ZC3H12C: variants seen among roughly 807,000 people sequenced by gnomAD.
ZC3H12C encodes the protein zinc finger CCCH-type containing 12C, also known as probable ribonuclease ZC3H12C.
Under a neutral mutation model 76.3 loss-of-function variants are expected in ZC3H12C, and 20 were observed. The ratio of observed to expected loss-of-function variants is 0.26; its 90% confidence interval spans 0.18 to 0.38. ZC3H12C has a LOEUF of 0.38. Ranked by LOEUF, ZC3H12C falls within the 10% of genes least tolerant of loss-of-function variation. ZC3H12C has a pLI of 1.00. For synonymous variants in ZC3H12C, 352 were observed against 399.6 expected (o/e 0.88, Z 1.42); for missense variants, 874 against 1,086.5 (o/e 0.80, Z 2.75).
In ZC3H12C at chr11:110,153,179, C is replaced by T. The variant is rs932993830; in HGVS notation, c.913+121C>T. ...CTCAGCGCAGGCAGTGGGACACAAA[C>T]GTTGTTTTTTGTTGTTGTTGTTTTC... is the stretch of plus-strand genomic sequence containing the variant. On this transcript the variant is annotated intron_variant, in intron 3 of 5. Transcript: ENST00000278590. 39 of 1,272,534 alleles carry T rather than the reference C, an allele frequency of 3.1e-5. No homozygotes were observed. In the African/African-American group the frequency reaches 3.2e-4, roughly 10 times the overall value. 78.8% of individuals were successfully genotyped at this position (1,272,534 alleles called of 1,614,324 possible). A position where few individuals can be genotyped will look rare whatever the true frequency, so the allele number is the denominator to read the frequency against.
intron 1 of ZC3H12C, among the ~76,000 whole-genome samples, chr11:110,100,504 A>G (rs4554858): frequency 0.71 from 107,592 of 152,110 alleles, 38,347 homozygotes; most frequent in East Asian, 0.89. Flanking sequence ...GGCAACCGTA[A>G]GTCAAGCAAG....
chr11:110,164,584 A>T lies in ZC3H12C; in HGVS notation c.1499A>T (p.Tyr500Phe). 5.6e-6 allele frequency: 9 copies of T among 1,614,048 alleles called. No individual in the cohort carries two copies. Among genetic ancestry groups the T allele is most frequent in the Non-Finnish European group, 7.6e-6 (9 of 1,179,898 alleles). ...GATCCAAGCATAAGGACACAAGTCT[A>T]CCAAGACCTAGAAGAAAAGCTTCCC... ...QSDPSIRTQV[Y>F]QDLEEKLPTK... The change falls in exon 6 of 6, where the codon TAC becomes TTC. Residue 500 changes from tyrosine (Y) to phenylalanine (F), a missense_variant. Transcript: ENST00000278590. The surrounding 1 kb of genome is among the most constrained non-coding windows in gnomAD (Gnocchi z 5.7).
intron 1 of ZC3H12C, among the ~76,000 whole-genome samples, chr11:110,101,999 A>C (rs1861225433): frequency 6.6e-6 from 1 of 151,912 alleles, no homozygotes; most frequent in Non-Finnish European, 1.5e-5. Context: ...TCCCTTCAAA[A>C]TATGTAATAT....
chr11:110,119,042 G>T (rs1335064451), intron 1 of ZC3H12C, among the ~76,000 whole-genome samples: 1 of 151,914 alleles, frequency 6.6e-6, no homozygotes, highest in African/African-American at 2.4e-5. Flanking sequence ...GCATGCACGT[G>T]CAAAAATAAC....
At chr11:110,128,011 A>G (rs142514455) in intron 1 of ZC3H12C, among the ~76,000 whole-genome samples, 280 of 152,094 alleles carry the variant, frequency 1.8e-3, no homozygotes, top group Middle Eastern at 0.01. Context: ...TACTTGTTTC[A>G]CATTCATACG....
At position 110,165,408 on chromosome 11, in the gene ZC3H12C, G is replaced by C; in HGVS notation, c.2323G>C (p.Gly775Arg). The C allele has an allele frequency of 6.2e-7, 1 of 1,613,976 alleles. No individual in the cohort carries two copies. The highest frequency in any genetic ancestry group is 8.5e-7 in the Non-Finnish European group (1 of 1,179,882). ...GCCTTATTCCCGCCAGGAAGGCCTGGGAAGCTGGGAGAGGCCAGGCTATGG... is the reference window on the plus strand; with the variant it reads ...GCCTTATTCCCGCCAGGAAGGCCTGCGAAGCTGGGAGAGGCCAGGCTATGG... ...RKPYSRQEGL[G>R]SWERPGYGID... Residue 775 changes from glycine (G) to arginine (R), a missense_variant, in exon 6 of 6, where the codon GGA (glycine) becomes CGA (arginine). Coordinates refer to ENST00000278590, the MANE Select transcript of ZC3H12C (RefSeq NM_033390.2).
In ZC3H12C at chr11:110,136,865, A is replaced by T. The variant is rs756296273; in HGVS notation, c.224A>T (p.Lys75Met). ...AGTATGGATACCGTTAATGTGGGGA[A>T]GGATGAAAAAGAGGCGTCTGAAGAG... ...NPSMDTVNVG[K>M]DEKEASEENA... is the part of the protein sequence containing the mutation. The change falls in exon 2 of 6, where the codon AAG (lysine) becomes ATG (methionine). Residue 75 changes from lysine to methionine, a missense_variant. Physicochemically the swap from Lys to Met is moderately conservative, Grantham distance 95. This residue lies in a region of ZC3H12C where 210 missense variants were observed against 227.1 expected (regional missense o/e 0.92). Transcript: ENST00000278590. 10 of 1,613,914 alleles carry T rather than the reference A, an allele frequency of 6.2e-6. No homozygotes were observed. Among genetic ancestry groups the T allele is most frequent in the Non-Finnish European group, 8.5e-6 (10 of 1,179,852 alleles).
At position 110,136,774 on chromosome 11, in the gene ZC3H12C, C is replaced by A. The variant is rs1193485083; in HGVS notation, c.133C>A (p.Leu45Ile). ...KDHLGHDLGH[L>I]YVESTDPQLS... Reference sequence around the variant, plus strand: ...TCACCTAGGGCATGACCTCGGCCACCTTTATGTGGAGAGCACTGACCCACA... The same window carrying A: ...TCACCTAGGGCATGACCTCGGCCACATTTATGTGGAGAGCACTGACCCACA... The change falls in exon 2 of 6, where the codon CTT becomes ATT. Residue 45 changes from leucine to isoleucine, a missense_variant. By Grantham distance (5) the Leu-to-Ile change is conservative. Coordinates refer to ENST00000278590, the MANE Select transcript of ZC3H12C (RefSeq NM_033390.2). 3 of 1,613,822 alleles carry A rather than the reference C, an allele frequency of 1.9e-6. No individual in the cohort carries two copies. Among genetic ancestry groups the A allele is most frequent in the African/African-American group, 1.3e-5 (1 of 74,906 alleles).
chr11:110,112,230 G>C (rs1435839446), intron 1 of ZC3H12C, among the ~76,000 whole-genome samples: 1 of 152,080 alleles, frequency 6.6e-6, no homozygotes, highest in Non-Finnish European at 1.5e-5. Context: ...ACAGGGTCTG[G>C]CTTTGTTGCC....
chr11:110,136,379 A>G (rs1429913243), intron 1 of ZC3H12C: 1 of 306,678 alleles, frequency 3.3e-6, no homozygotes, highest in Non-Finnish European at 6.0e-6. Flanking sequence ...TATAGTGGGA[A>G]AAGCATGGGT....
intron 2 of ZC3H12C, among the ~76,000 whole-genome samples, chr11:110,139,178 G>T (rs1256365147): frequency 6.6e-6 from 1 of 152,126 alleles, no homozygotes; most frequent in East Asian, 1.9e-4. Flanking sequence ...AGCTTTTTCG[G>T]GTGGAGGCAG....
At chr11:110,155,733 C>T (rs1862365481) in intron 3 of ZC3H12C, among the ~76,000 whole-genome samples, 2 of 152,004 alleles carry the variant, frequency 1.3e-5, no homozygotes, top group South Asian at 4.1e-4. Context: ...CATATATCAA[C>T]AGTGGAAAGA....
intron 1 of ZC3H12C, among the ~76,000 whole-genome samples, chr11:110,115,205 C>T (rs569053989): frequency 6.2e-4 from 95 of 152,226 alleles, no homozygotes; most frequent in African/African-American, 2.0e-3. Context: ...CTCCTGGGCT[C>T]AAGCGATCCT....
rs539875989 is a variant in ZC3H12C at position 110,130,274 on chromosome 11, TAGAC to T, written c.22-6385_22-6382del. Among the ~76,000 whole-genome samples the T allele has an allele frequency of 3.3e-5, 5 of 152,334 alleles. No homozygotes were observed. In the South Asian group the frequency reaches 8.3e-4, roughly 25 times the overall value. ...TTAGGTAACTCATTTGGCACAAAGT[TAGAC>T]AGAACTTTTGTTTTATCTACACTTT... On this transcript the variant is annotated intron_variant, in intron 1 of 5. Transcript: ENST00000278590.
chr11:110,167,287 A>G lies in ZC3H12C; in HGVS notation c.*1550A>G, dbSNP rs751458802. On this transcript the variant is annotated 3_prime_UTR_variant, in exon 6 of 6. Coordinates refer to ENST00000278590, the MANE Select transcript of ZC3H12C (RefSeq NM_033390.2). ...TGTTGATACAAATTGTATCTTTTTA[A>G]CTATAAGAACTATTTTGATTTGTAG... The G allele has an allele frequency of 1.3e-5, 2 of 152,226 alleles. No homozygotes were observed. Among genetic ancestry groups the G allele is most frequent in the Non-Finnish European group, 2.9e-5 (2 of 68,028 alleles). 9.4% of individuals were successfully genotyped at this position (152,226 alleles called of 1,614,324 possible). A position where few individuals can be genotyped will look rare whatever the true frequency, so the allele number is the denominator to read the frequency against.
chr11:110,165,892 GCC>G lies in ZC3H12C; in HGVS notation c.*158_*159del. ...CTGTATCATGGAATCTGTATGTATA[GCC>G]CCACATGGTGGAAGTATCACGGGAT... On this transcript the variant is annotated 3_prime_UTR_variant, in exon 6 of 6. Coordinates refer to ENST00000278590, the MANE Select transcript of ZC3H12C (RefSeq NM_033390.2). 1 of 704,426 alleles carries G rather than the reference GCC, an allele frequency of 1.4e-6. No homozygotes were observed. Among genetic ancestry groups the G allele is most frequent in the Non-Finnish European group, 2.2e-6 (1 of 445,014 alleles). The allele number at this position is 704,426 out of a possible 1,614,324, so 43.6% of individuals were successfully genotyped here.
chr11:110,125,050 A>G (rs1468611565), intron 1 of ZC3H12C, among the ~76,000 whole-genome samples: 1 of 152,126 alleles, frequency 6.6e-6, no homozygotes, highest in Admixed American at 6.6e-5. Context: ...ACAATTGAGA[A>G]ATAGACAAAG....
intron 1 of ZC3H12C, among the ~76,000 whole-genome samples, chr11:110,126,925 CAT>C (rs1433155594): frequency 6.6e-6 from 1 of 152,060 alleles, no homozygotes; most frequent in East Asian, 1.9e-4. Context: ...TTATTTTAAA[CAT>C]ATGATCTTGA....
At chr11:110,148,821 C>CT in intron 2 of ZC3H12C, among the ~76,000 whole-genome samples, 1 of 152,276 alleles carries the variant, frequency 6.6e-6, no homozygotes, top group East Asian at 1.9e-4. Flanking sequence ...AGCTATGGTC[C>CT]TTTTTTTAGT....
Sources: gnomAD v4.1 joint callset for allele counts (sites outside exome capture counted in the v4.1 genomes callset) on GRCh38, gnomAD v4.1.1 for gene constraint, gnomAD v4.1.1 regional missense constraint, Gnocchi (gnomAD v3.1) non-coding constraint, MANE v1.5 for transcripts, NCBI Gene and HGNC (gene_info 2026-07-23, HGNC 2026-07-21) for gene names.